Variants in PIK3IP1 observed in about 807,000 individuals in gnomAD.
PIK3IP1 encodes phosphoinositide-3-kinase-interacting protein 1.
In PIK3IP1, 28 loss-of-function variants were observed where a neutral mutation model predicts 30.7. The ratio of observed to expected loss-of-function variants is 0.91; its 90% CI spans 0.68 to 1.25. The LOEUF is 1.25. Among genes scored for constraint, PIK3IP1 ranks in the 50% most tolerant of loss-of-function variants. PIK3IP1 has a pLI of 0.00. For synonymous variants in PIK3IP1, 159 were observed against 140.8 expected (o/e 1.13, Z -0.91); for missense variants, 333 against 346.2 (o/e 0.96, Z 0.30).
chr22:31,287,066 G>C (rs944515205), intron 5 of PIK3IP1, among the ~76,000 whole-genome samples: 4 of 144,804 alleles, frequency 2.8e-5, no homozygotes, highest in Admixed American at 2.1e-4. Flanking sequence ...TGTCACCCAG[G>C]CTGGAGTGCA....
intron 5 of PIK3IP1, 70 bp from the exon 6 acceptor site, chr22:31,283,358 C>T (rs1012418164): frequency 6.6e-7 from 1 of 1,522,098 alleles, no homozygotes; most frequent in African/African-American, 1.4e-5. Flanking sequence ...AGATAGCATC[C>T]CTGAGGCTCA....
At chr22:31,290,647 C>A in intron 3 of PIK3IP1, 1 of 317,418 alleles carries the variant, frequency 3.2e-6, no homozygotes, top group Non-Finnish European at 5.8e-6. Flanking sequence ...TAGCACACTG[C>A]AGACGCTCCG....
chr22:31,289,478 AGGGGTG>A lies in PIK3IP1; in HGVS notation c.508+15_508+20del, dbSNP rs1396022677. On this transcript the variant is annotated intron_variant, in intron 4 of 5. Coordinates refer to ENST00000215912, the MANE Select transcript of PIK3IP1 (RefSeq NM_052880.5). ...TCTCTTGATGAATCCCAACGAGGGC[AGGGGTG>A]GGGGACCGTCATACCCAGAGTTCCC... The A allele has an allele frequency of 3.2e-6, 5 of 1,541,074 alleles. No individual in the cohort carries two copies. The highest frequency in any genetic ancestry group is 1.4e-5 in the African/African-American group (1 of 73,068).
chr22:31,285,137 C>G (rs761528742), intron 5 of PIK3IP1, among the ~76,000 whole-genome samples: 33 of 152,094 alleles, frequency 2.2e-4, no homozygotes, highest in Non-Finnish European at 3.7e-4. Context: ...CTACACAGGT[C>G]GTCTTCAATT....
intron 1 of PIK3IP1, among the ~76,000 whole-genome samples, 154 bp downstream of exon 1, chr22:31,292,121 T>C (rs1416839828): frequency 6.6e-6 from 1 of 152,180 alleles, no homozygotes; most frequent in Non-Finnish European, 1.5e-5. Flanking sequence ...TGCAAGCCCC[T>C]GACAAGGAAA....
At chr22:31,290,931 A>G (rs1251236392) in intron 3 of PIK3IP1, 34 bp downstream of exon 3, 5 of 1,540,450 alleles carry the variant, frequency 3.2e-6, no homozygotes, top group African/African-American at 1.5e-5. Flanking sequence ...TGTCAGCGCC[A>G]GGAGCGGGGA....
intron 3 of PIK3IP1, 121 bp from the exon 4 acceptor site, chr22:31,289,820 C>A: frequency 2.8e-6 from 3 of 1,061,496 alleles, no homozygotes; most frequent in Non-Finnish European, 4.1e-6. Flanking sequence ...CCCCCACACA[C>A]AACCCAAAGT....
At chr22:31,291,851 C>G (rs1252631643) in intron 1 of PIK3IP1, among the ~76,000 whole-genome samples, 1 of 152,198 alleles carries the variant, frequency 6.6e-6, no homozygotes, top group Non-Finnish European at 1.5e-5. Context: ...TTGACTCCGT[C>G]AGGCAAAAGA....
intron 3 of PIK3IP1, chr22:31,290,620 T>G: frequency 4.5e-6 from 1 of 220,372 alleles, no homozygotes; most frequent in Non-Finnish European, 8.9e-6. Context: ...GAGCTGGGGT[T>G]GTGAGCAGTG....
intron 5 of PIK3IP1, among the ~76,000 whole-genome samples, chr22:31,283,713 C>T (rs1384642814): frequency 6.6e-6 from 1 of 151,900 alleles, no homozygotes; most frequent in African/African-American, 2.4e-5. Flanking sequence ...GCGTGAGCCA[C>T]TGCACCTGGC....
intron 3 of PIK3IP1, chr22:31,289,970 C>T (rs1601462295): frequency 2.5e-6 from 1 of 393,668 alleles, no homozygotes; most frequent in African/African-American, 2.0e-5. Flanking sequence ...TTGCTATTTC[C>T]CAAGGCCCCT....
At chr22:31,291,717 C>T (rs1045098075) in intron 1 of PIK3IP1, among the ~76,000 whole-genome samples, 3 of 152,072 alleles carry the variant, frequency 2.0e-5, no homozygotes, top group Non-Finnish European at 2.9e-5. Context: ...CCAGACGTGA[C>T]ATTTGTCCCT....
chr22:31,292,533 C>T (rs2049189018), upstream of PIK3IP1: 13 of 590,802 alleles, frequency 2.2e-5, no homozygotes, highest in East Asian at 8.4e-5. Flanking sequence ...TGTTTTTCAG[C>T]TGAAAGGCGC....
chr22:31,288,416 A>G (rs2049147516), intron 5 of PIK3IP1, among the ~76,000 whole-genome samples: 1 of 103,510 alleles, frequency 9.7e-6, no homozygotes, highest in South Asian at 3.2e-4. Flanking sequence ...AAGGGGAAGG[A>G]AGGAAGGGAG....
chr22:31,289,406 G>A lies in PIK3IP1; in HGVS notation c.509-13C>T, dbSNP rs780314966. 1 of 1,596,566 alleles carries A rather than the reference G, an allele frequency of 6.3e-7. No individual in the cohort carries two copies. Among genetic ancestry groups the A allele is most frequent in the South Asian group, 1.1e-5 (1 of 88,864 alleles). ...CCCAGCACGTAGCCTGCCAAGGATA[G>A]GACACAAGGTCCCATTAGCCACACC... On this transcript the variant is annotated splice_polypyrimidine_tract_variant and intron_variant, in intron 4 of 5. Transcript: ENST00000215912.
intron 5 of PIK3IP1, among the ~76,000 whole-genome samples, chr22:31,283,728 TAG>T (rs1358111676): frequency 6.6e-6 from 1 of 151,802 alleles, no homozygotes; most frequent in Non-Finnish European, 1.5e-5. Context: ...CCTGGCCAGA[TAG>T]AGACTCTTAA....
chr22:31,287,148 AC>A (rs2049137593), intron 5 of PIK3IP1, among the ~76,000 whole-genome samples: 1 of 148,524 alleles, frequency 6.7e-6, no homozygotes, highest in Non-Finnish European at 1.5e-5. Context: ...CTCCTTAGTA[AC>A]TAGGACTACA....
In PIK3IP1 at chr22:31,283,257, T is replaced by C; in HGVS notation, c.619A>G (p.Lys207Glu). The stretch of plus-strand genomic sequence containing the variant: ...CGCTGCATCTCCCTCTCACATACTT[T>C]CTGATCATGCTGTTCTTTCAAATCC... ...GKDLKEQHDQ[K>E]VCEREMQRIT... The change falls in exon 6 of 6, where the codon AAA becomes GAA. Residue 207 changes from lysine (K) to glutamate (E), a missense_variant. Physicochemically the swap from Lys to Glu is moderately conservative, Grantham distance 56. Coordinates refer to ENST00000215912, the MANE Select transcript of PIK3IP1 (RefSeq NM_052880.5). 1 of 1,614,156 alleles carries C rather than the reference T, an allele frequency of 6.2e-7. No individual in the cohort carries two copies. Among genetic ancestry groups the C allele is most frequent in the Non-Finnish European group, 8.5e-7 (1 of 1,180,030 alleles).
At position 31,284,061 on chromosome 22, in the gene PIK3IP1, C is replaced by T. The variant is rs145541828; in HGVS notation, c.588-773G>A. ...CCAGGATTACAGGCATGCGCCACCA[C>T]GCCCAGAGTATTTTGTATTTTTAGT... is the stretch of plus-strand genomic sequence containing the variant. On this transcript the variant is annotated intron_variant, in intron 5 of 5. Coordinates refer to ENST00000215912, the MANE Select transcript of PIK3IP1 (RefSeq NM_052880.5). Among the ~76,000 whole-genome samples, 9 of 152,286 alleles carry T rather than the reference C, an allele frequency of 5.9e-5. No homozygotes were observed. In the South Asian group the frequency reaches 8.3e-4, roughly 14 times the overall value.
Sources: allele counts gnomAD v4.1 joint callset (sites outside exome capture counted in the v4.1 genomes callset), GRCh38; gene constraint gnomAD v4.1.1; transcripts MANE v1.5; gene names NCBI Gene and HGNC (gene_info 2026-07-23, HGNC 2026-07-21).